The following THRB variants were observed in gnomAD, a reference collection of about 807,000 sequenced individuals.
The protein encoded by THRB is nuclear receptor subfamily 1 group A member 2.
In THRB, 12 loss-of-function variants were observed where a neutral mutation model predicts 47.8. The observed-to-expected ratio is 0.25, with a 90% CI of 0.16 to 0.41. THRB has a LOEUF of 0.41. Among genes scored for constraint, THRB ranks in the 10% least tolerant of loss-of-function variants. The probability of loss-of-function intolerance (pLI) is 1.00; values close to 1 mark genes in which losing one functional copy is unlikely to be tolerated. For synonymous variants in THRB, 218 were observed against 212.2 expected (o/e 1.03, Z -0.24); for missense variants, 348 against 589.2 (o/e 0.59, Z 4.24).
At chr3:24,360,724 G>T (rs2064000907) in intron 1 of THRB, among the ~76,000 whole-genome samples, 1 of 151,958 alleles carries the variant, frequency 6.6e-6, no homozygotes, top group Admixed American at 6.6e-5. Flanking sequence ...AGTTCACTTG[G>T]TACTAAGCAT....
At chr3:24,415,318 T>C (rs886120586) in intron 1 of THRB, among the ~76,000 whole-genome samples, 2 of 151,864 alleles carry the variant, frequency 1.3e-5, no homozygotes, top group Non-Finnish European at 2.9e-5. Context: ...CCTTCATATC[T>C]GATCCAAGAA....
intron 1 of THRB, among the ~76,000 whole-genome samples, chr3:24,423,474 C>T (rs2069467262): frequency 6.6e-6 from 1 of 151,614 alleles, no homozygotes; most frequent in Admixed American, 6.6e-5. Flanking sequence ...GACAAGTAAA[C>T]TCTGCATTCC....
At chr3:24,416,823 G>C (rs565380917) in intron 1 of THRB, among the ~76,000 whole-genome samples, 2 of 151,868 alleles carry the variant, frequency 1.3e-5, no homozygotes, top group African/African-American at 4.8e-5. Context: ...GTGAGCCCAG[G>C]AATCTGCACT....
In THRB at chr3:24,154,126, A is replaced by G. The variant is rs145073541; in HGVS notation, c.284-1636T>C. ...AATTGACTTGAAAGTGAGGTTTAGT[A>G]ATGTACAGGATTATATTTTTAAATA... On this transcript the variant is annotated intron_variant, in intron 5 of 10. Coordinates refer to ENST00000646209, the MANE Select transcript of THRB (RefSeq NM_001354712.2). 1.7e-3 allele frequency among the ~76,000 whole-genome samples: 253 copies of G among 152,312 alleles called. 2 individuals carry two copies. Among genetic ancestry groups the G allele is most frequent in the Middle Eastern group, 0.01 (3 of 294 alleles).
At chr3:24,267,963 T>G (rs913629280) in intron 3 of THRB, among the ~76,000 whole-genome samples, 1 of 152,192 alleles carries the variant, frequency 6.6e-6, no homozygotes, top group African/African-American at 2.4e-5. Flanking sequence ...ATTATGAATT[T>G]CAGGGTCAAG....
chr3:24,467,651 A>T (rs987596416), intron 1 of THRB, among the ~76,000 whole-genome samples: 1 of 152,164 alleles, frequency 6.6e-6, no homozygotes, highest in Non-Finnish European at 1.5e-5. Flanking sequence ...GTCAGTGAGG[A>T]GTCATATTTT....
intron 1 of THRB, among the ~76,000 whole-genome samples, chr3:24,366,095 T>A (rs931302148): frequency 8.5e-5 from 13 of 152,204 alleles, no homozygotes; most frequent in African/African-American, 3.1e-4. Flanking sequence ...TATTTGCATA[T>A]TGAAATGCAT....
chr3:24,142,770 G>A (rs754151165), intron 8 of THRB, among the ~76,000 whole-genome samples: 10 of 152,228 alleles, frequency 6.6e-5, no homozygotes, highest in Non-Finnish European at 1.3e-4. Context: ...TTAGCAGTGC[G>A]ATCCTGGGCA....
intron 1 of THRB, among the ~76,000 whole-genome samples, chr3:24,445,488 G>A (rs557478556): frequency 1.8e-4 from 27 of 152,130 alleles, no homozygotes; most frequent in African/African-American, 5.5e-4. Flanking sequence ...GACATAACAC[G>A]CAAAGGTAGT....
intron 1 of THRB, among the ~76,000 whole-genome samples, chr3:24,432,673 A>G (rs1326532366): frequency 6.6e-6 from 1 of 152,186 alleles, no homozygotes; most frequent in African/African-American, 2.4e-5. Flanking sequence ...GAACTGTGAT[A>G]GCTAACTTCA....
At chr3:24,259,823 C>G (rs545789221) in intron 3 of THRB, among the ~76,000 whole-genome samples, 1 of 151,942 alleles carries the variant, frequency 6.6e-6, no homozygotes, top group East Asian at 1.9e-4. Flanking sequence ...ATTAACAAGT[C>G]CTTGTTTTCA....
chr3:24,236,837 C>T (rs926632692), intron 3 of THRB, among the ~76,000 whole-genome samples: 1 of 152,092 alleles, frequency 6.6e-6, no homozygotes, highest in Non-Finnish European at 1.5e-5. Flanking sequence ...CTTCCCCGAG[C>T]CCTTTGCATT....
intron 5 of THRB, among the ~76,000 whole-genome samples, chr3:24,171,607 T>C (rs2040448530): frequency 1.3e-5 from 2 of 152,162 alleles, no homozygotes; most frequent in African/African-American, 4.8e-5. Flanking sequence ...TTTGACTGTA[T>C]CATTTCTCCT....
chr3:24,161,069 G>T (rs1412824458), intron 5 of THRB, among the ~76,000 whole-genome samples: 2 of 152,204 alleles, frequency 1.3e-5, no homozygotes, highest in African/African-American at 4.8e-5. Context: ...TCTGCACTTG[G>T]ACTTGGTTTG....
intron 3 of THRB, among the ~76,000 whole-genome samples, chr3:24,236,167 C>A (rs960760662): frequency 6.6e-6 from 1 of 152,270 alleles, no homozygotes; most frequent in Middle Eastern, 3.4e-3. Context: ...GAGAGCTATA[C>A]ATCAAACCTT....
chr3:24,479,755 C>T (rs1197582084), intron 1 of THRB, among the ~76,000 whole-genome samples: 1 of 152,182 alleles, frequency 6.6e-6, no homozygotes, highest in Non-Finnish European at 1.5e-5. Flanking sequence ...GGGTTACAGG[C>T]TGCCCTGCTG....
chr3:24,227,909 T>C (rs549849022), intron 4 of THRB, among the ~76,000 whole-genome samples: 1 of 152,270 alleles, frequency 6.6e-6, no homozygotes, highest in Non-Finnish European at 1.5e-5. Context: ...GGTCATAAAC[T>C]CACAGCTCAT....
At position 24,332,388 on chromosome 3, in the gene THRB, G is replaced by A. The variant is rs1052459268; in HGVS notation, c.-189+4912C>T. ...TGGAGAAAAAAATAAACCTTTGTCT[G>A]TTTAAGTCACTGTTTTTAATGGTTT... On this transcript the variant is annotated intron_variant, in intron 2 of 10. Transcript: ENST00000646209. 1.4e-4 allele frequency among the ~76,000 whole-genome samples: 21 copies of A among 152,188 alleles called. 1 individual carries two copies. The highest frequency in any genetic ancestry group is 5.1e-4 in the African/African-American group (21 of 41,448).
intron 1 of THRB, among the ~76,000 whole-genome samples, chr3:24,417,822 G>C (rs571186737): frequency 1.6e-3 from 236 of 151,968 alleles, no homozygotes; most frequent in African/African-American, 5.3e-3. Flanking sequence ...GCCACTGGTT[G>C]AGTAAGTTCT....
Sources: allele counts gnomAD v4.1 joint callset (sites outside exome capture counted in the v4.1 genomes callset), GRCh38; gene constraint gnomAD v4.1.1; transcripts MANE v1.5; gene names NCBI Gene and HGNC (gene_info 2026-07-23, HGNC 2026-07-21).